RAPGEF6: variants seen among roughly 807,000 people sequenced by gnomAD.
The protein encoded by RAPGEF6 is PDZ domain containing guanine nucleotide exchange factor (GEF) 2.
In RAPGEF6, 56 loss-of-function variants were observed where a neutral mutation model predicts 171.4. The ratio of observed to expected loss-of-function variants is 0.33; its 90% confidence interval spans 0.26 to 0.41. RAPGEF6 has a LOEUF of 0.41. Among genes scored for constraint, RAPGEF6 ranks in the 10% least tolerant of loss-of-function variants. The probability of loss-of-function intolerance (pLI) is 1.00; values close to 1 mark genes in which losing one functional copy is unlikely to be tolerated. For synonymous variants in RAPGEF6, 692 were observed against 650.1 expected (o/e 1.06, Z -0.98); for missense variants, 1,674 against 1,921.4 (o/e 0.87, Z 2.41).
chr5:131,452,959 T>A, intron 21 of RAPGEF6, 95 bp downstream of exon 21: 1 of 1,449,626 alleles, frequency 6.9e-7, no homozygotes, highest in South Asian at 1.5e-5. Context: ...ACAGCACACA[T>A]GGTAGAATAA....
At chr5:131,630,636 A>C (rs944292326) in intron 1 of RAPGEF6, among the ~76,000 whole-genome samples, 3 of 152,208 alleles carry the variant, frequency 2.0e-5, no homozygotes, top group African/African-American at 7.2e-5. Context: ...TCTCACACAC[A>C]CACTGTGTTA....
intron 5 of RAPGEF6, among the ~76,000 whole-genome samples, chr5:131,561,020 G>A (rs753501400): frequency 1.3e-5 from 2 of 152,064 alleles, no homozygotes; most frequent in African/African-American, 2.4e-5. Flanking sequence ...TGAGATCCTA[G>A]TAGGACAATG....
rs1751842247 is a variant in RAPGEF6, at chr5:131,433,588, C to A, written c.3816G>T (p.Arg1272=). The part of the protein sequence containing the change: ...SDSSHSEISS[R]SSIVSNCSVD... ...CAGAACAATTGCTCACGATGCTGGA[C>A]CGTGAAGAAATCTCACTATGGCTGG... The change falls in exon 25 of 28, where the codon CGG becomes CGT. Residue 1272 remains arginine (R), a synonymous_variant. Coordinates refer to ENST00000509018, the MANE Select transcript of RAPGEF6 (RefSeq NM_016340.6). 4 of 1,613,600 alleles carry A rather than the reference C, an allele frequency of 2.5e-6. No homozygotes were observed. The African/African-American group carries it at 5.3e-5, about 22-fold the overall frequency.
At chr5:131,457,234 C>G (rs1165508778) in intron 19 of RAPGEF6, among the ~76,000 whole-genome samples, 1 of 152,080 alleles carries the variant, frequency 6.6e-6, no homozygotes, top group Non-Finnish European at 1.5e-5. Flanking sequence ...CAATGCCTGG[C>G]TAATTTTTAT....
rs1765013016 is a variant in RAPGEF6 at position 131,612,790 on chromosome 5, T to C, written c.70-8097A>G. Among the ~76,000 whole-genome samples the C allele has an allele frequency of 2.0e-5, 3 of 152,190 alleles. No individual in the cohort carries two copies. The South Asian group carries it at 6.2e-4, about 31-fold the overall frequency. On this transcript the variant is annotated intron_variant, in intron 1 of 27. Transcript: ENST00000509018. Reference sequence around the variant, plus strand: ...AAGACTCTCAACTAAACTTATATCATATAATTTTCTCCTTTCTCAAGTTAC... The same window carrying C: ...AAGACTCTCAACTAAACTTATATCACATAATTTTCTCCTTTCTCAAGTTAC...
chr5:131,557,629 G>A (rs1357517592), intron 5 of RAPGEF6, among the ~76,000 whole-genome samples: 1 of 152,162 alleles, frequency 6.6e-6, no homozygotes, highest in Non-Finnish European at 1.5e-5. Context: ...TTGGGAGAAA[G>A]TTTTCAATGT....
chr5:131,548,311 GA>G lies in RAPGEF6; in HGVS notation c.352-122del. ...TACTTCTTACAAGAAACTGCCTCAA[GA>G]AAACAGTCTGTATAGCACAACGCTC... On this transcript the variant is annotated intron_variant, in intron 5 of 27. Transcript: ENST00000509018. 4 of 937,142 alleles carry G rather than the reference GA, an allele frequency of 4.3e-6. No homozygotes were observed. The South Asian group carries it at 6.7e-5, about 16-fold the overall frequency. 58.1% of individuals were successfully genotyped at this position (937,142 alleles called of 1,614,324 possible). A position where few individuals can be genotyped will look rare whatever the true frequency, so the allele number is the denominator to read the frequency against.
intron 4 of RAPGEF6, among the ~76,000 whole-genome samples, chr5:131,566,386 T>A (rs977410139): frequency 1.3e-5 from 2 of 152,192 alleles, no homozygotes; most frequent in African/African-American, 4.8e-5. Flanking sequence ...CTGTGTTAAC[T>A]GACTTACAAA....
At chr5:131,620,676 C>T (rs1433662282) in intron 1 of RAPGEF6, among the ~76,000 whole-genome samples, 10 of 151,796 alleles carry the variant, frequency 6.6e-5, no homozygotes, top group Admixed American at 3.9e-4. Context: ...CTGCAACCTC[C>T]GCCTCCCAGG....
chr5:131,598,503 A>T lies in RAPGEF6; in HGVS notation c.197+4768T>A, dbSNP rs552862407. 1.2e-4 allele frequency among the ~76,000 whole-genome samples: 19 copies of T among 152,348 alleles called. No individual in the cohort carries two copies. The South Asian group carries it at 2.7e-3, about 22-fold the overall frequency. ...TCCAAAGAAAACCATACCTAGCAAC[A>T]TTAGACAAAACTGCTGAAAAGCAAA... On this transcript the variant is annotated intron_variant, in intron 3 of 27. Transcript: ENST00000509018.
At chr5:131,624,661 C>T (rs988028916) in intron 1 of RAPGEF6, among the ~76,000 whole-genome samples, 2 of 152,074 alleles carry the variant, frequency 1.3e-5, no homozygotes, top group Non-Finnish European at 2.9e-5. Context: ...ACACTCCACT[C>T]AAATTAAGTT....
chr5:131,503,079 A>C (rs1217603118), intron 11 of RAPGEF6, among the ~76,000 whole-genome samples: 2 of 152,228 alleles, frequency 1.3e-5, no homozygotes, highest in Non-Finnish European at 2.9e-5. Context: ...CTGGGATTAC[A>C]GGCATGAGCC....
At chr5:131,471,569 TG>T (rs1754739081) in intron 17 of RAPGEF6, among the ~76,000 whole-genome samples, 1 of 152,232 alleles carries the variant, frequency 6.6e-6, no homozygotes, top group Non-Finnish European at 1.5e-5. Flanking sequence ...CACCTTTCCT[TG>T]GACCCAATTA....
chr5:131,501,239 G>A (rs573456225), intron 11 of RAPGEF6, among the ~76,000 whole-genome samples: 3 of 152,116 alleles, frequency 2.0e-5, no homozygotes, highest in Non-Finnish European at 4.4e-5. Flanking sequence ...AGGAGGCTGA[G>A]GCACAAGAGT....
chr5:131,434,067 A>G (rs1751876112), intron 24 of RAPGEF6, among the ~76,000 whole-genome samples: 1 of 152,186 alleles, frequency 6.6e-6, no homozygotes, highest in Non-Finnish European at 1.5e-5. Flanking sequence ...ATTAATATGA[A>G]TATTTCTTGA....
chr5:131,535,844 T>TG (rs1457748132), intron 6 of RAPGEF6, among the ~76,000 whole-genome samples: 1 of 152,152 alleles, frequency 6.6e-6, no homozygotes, highest in East Asian at 1.9e-4. Context: ...ACATCTTTTA[T>TG]GTTAATATGT....
At chr5:131,499,922 G>A (rs905743195) in intron 11 of RAPGEF6, among the ~76,000 whole-genome samples, 2 of 151,980 alleles carry the variant, frequency 1.3e-5, no homozygotes, top group South Asian at 2.1e-4. Flanking sequence ...TTTTTGAGAC[G>A]GAGTCTGGCT....
chr5:131,614,214 G>A (rs184460343), intron 1 of RAPGEF6, among the ~76,000 whole-genome samples: 18 of 149,278 alleles, frequency 1.2e-4, no homozygotes, highest in African/African-American at 3.5e-4. Flanking sequence ...CCTGAGGGGC[G>A]GAGGTTGCAG....
chr5:131,435,203 T>C (rs1751940635), intron 24 of RAPGEF6, among the ~76,000 whole-genome samples: 1 of 152,088 alleles, frequency 6.6e-6, no homozygotes. Context: ...GCCTAGAAAA[T>C]GTGTGATTTA....
Sources: gnomAD v4.1 joint callset for allele counts (sites outside exome capture counted in the v4.1 genomes callset) on GRCh38, gnomAD v4.1.1 for gene constraint, MANE v1.5 for transcripts, NCBI Gene and HGNC (gene_info 2026-07-23, HGNC 2026-07-21) for gene names.